Variants in LRRTM4 observed in about 807,000 individuals in gnomAD.
The protein encoded by LRRTM4 is leucine-rich repeat transmembrane neuronal protein 4.
A neutral mutation model predicts 47.6 loss-of-function variants in LRRTM4; 25 were observed. The ratio of observed to expected loss-of-function variants is 0.53; its 90% CI spans 0.38 to 0.73. The LOEUF (loss-of-function observed/expected upper bound fraction) is 0.73, where lower values mean the gene tolerates loss of function less well. LRRTM4 is among the 30% of genes least tolerant of loss of function. LRRTM4 has a pLI of 0.00. For missense variants in LRRTM4, 638 were observed against 713.4 expected, an observed-to-expected ratio of 0.89 and a Z score of 1.20; for synonymous variants, 311 against 269.5, an observed-to-expected ratio of 1.15 and a Z score of -1.51.
rs559021886 is a variant in LRRTM4 at position 76,882,870 on chromosome 2, T to C, written c.1552-133954A>G. 2.6e-5 allele frequency among the ~76,000 whole-genome samples: 4 copies of C among 152,242 alleles called. No individual in the cohort carries two copies. The South Asian group carries it at 8.3e-4, about 32-fold the overall frequency. On this transcript the variant is annotated intron_variant, in intron 3 of 3. Coordinates refer to ENST00000409884, the MANE Select transcript of LRRTM4 (RefSeq NM_001134745.3). Reference sequence around the variant, plus strand: ...GACAGGAGTCCTGTCCCTCCTGTCTTCCACGGGCCTACTCTTCAAACTGTC... The same window carrying C: ...GACAGGAGTCCTGTCCCTCCTGTCTCCCACGGGCCTACTCTTCAAACTGTC...
chr2:76,934,429 T>G (rs906670421), intron 3 of LRRTM4, among the ~76,000 whole-genome samples: 17 of 152,178 alleles, frequency 1.1e-4, no homozygotes, highest in Admixed American at 9.8e-4. Context: ...ACTAAAATTT[T>G]GCAATTTAGA....
chr2:77,395,622 T>C lies in LRRTM4; in HGVS notation c.1551+122696A>G, dbSNP rs567369198. Among the ~76,000 whole-genome samples, 28 of 152,078 alleles carry C rather than the reference T, an allele frequency of 1.8e-4. No homozygotes were observed. In the East Asian group the frequency reaches 5.4e-3, roughly 30 times the overall value. The stretch of plus-strand genomic sequence containing the variant: ...GACAGTTCTTAATAAGTTGCTCTGA[T>C]GCTTTCTTCATATTTAGGTTGTTTT... On this transcript the variant is annotated intron_variant, in intron 3 of 3. Coordinates refer to ENST00000409884, the MANE Select transcript of LRRTM4 (RefSeq NM_001134745.3).
chr2:76,981,862 G>A (rs1003719180), intron 3 of LRRTM4, among the ~76,000 whole-genome samples: 1 of 151,690 alleles, frequency 6.6e-6, no homozygotes, highest in African/African-American at 2.4e-5. Flanking sequence ...CATACAATAT[G>A]AGTTTTGTTT....
intron 3 of LRRTM4, among the ~76,000 whole-genome samples, chr2:76,905,784 C>G (rs556743287): frequency 0.017 from 2,513 of 151,590 alleles, 81 homozygotes; most frequent in African/African-American, 0.057. Context: ...AGCGAGAAGG[C>G]AAGTTTAGAG....
intron 3 of LRRTM4, among the ~76,000 whole-genome samples, chr2:77,427,664 T>C (rs1675175937): frequency 6.6e-6 from 1 of 152,196 alleles, no homozygotes; most frequent in Admixed American, 6.5e-5. Context: ...CCTTAAAATA[T>C]ATGATTTGGC....
At chr2:76,969,398 C>T (rs979135855) in intron 3 of LRRTM4, among the ~76,000 whole-genome samples, 11 of 151,854 alleles carry the variant, frequency 7.2e-5, no homozygotes, top group African/African-American at 2.7e-4. Flanking sequence ...TAGTAATTCC[C>T]TCCAGAGGCA....
chr2:77,110,407 A>G (rs1671218622), intron 3 of LRRTM4, among the ~76,000 whole-genome samples: 2 of 152,166 alleles, frequency 1.3e-5, no homozygotes, highest in Admixed American at 6.5e-5. Context: ...CTCCTGTAAG[A>G]TATTATTTAG....
intron 3 of LRRTM4, among the ~76,000 whole-genome samples, chr2:76,914,540 A>G (rs1294248874): frequency 6.6e-6 from 1 of 152,118 alleles, no homozygotes; most frequent in Non-Finnish European, 1.5e-5. Flanking sequence ...TCAGGATTAT[A>G]AGTATATTAT....
chr2:76,896,420 T>C (rs918439070), intron 3 of LRRTM4, among the ~76,000 whole-genome samples: 35 of 152,072 alleles, frequency 2.3e-4, no homozygotes, highest in Admixed American at 2.0e-3. Context: ...AATTTCTACT[T>C]GACCCTGATC....
rs1674903148 is a variant in LRRTM4, at chr2:77,229,403, A to C, written c.1551+288915T>G. Among the ~76,000 whole-genome samples the C allele has an allele frequency of 3.9e-5, 6 of 152,108 alleles. No homozygotes were observed. In the South Asian group the frequency reaches 1.2e-3, roughly 31 times the overall value. Reference sequence around the variant, plus strand: ...GAGAGTCTTAAGCAAATGATTTCTAACCTTCTTTGATATATGAGAAAATCA... The same window carrying C: ...GAGAGTCTTAAGCAAATGATTTCTACCCTTCTTTGATATATGAGAAAATCA... On this transcript the variant is annotated intron_variant, in intron 3 of 3. Transcript: ENST00000409884.
intron 3 of LRRTM4, among the ~76,000 whole-genome samples, chr2:77,502,272 A>G (rs1244776824): frequency 1.3e-5 from 2 of 151,478 alleles, no homozygotes; most frequent in Non-Finnish European, 3.0e-5. Flanking sequence ...AAAAAAGATA[A>G]TAAAAGTTAT....
intron 3 of LRRTM4, among the ~76,000 whole-genome samples, chr2:77,062,857 C>A (rs760092383): frequency 1.1e-4 from 17 of 152,014 alleles, no homozygotes; most frequent in Non-Finnish European, 1.5e-4. Context: ...AGAAGTAGGC[C>A]TTCATTGTTG....
intron 2 of LRRTM4, among the ~76,000 whole-genome samples, 199 bp from the exon 3 acceptor site, chr2:77,520,063 T>C (rs925161874): frequency 6.6e-6 from 1 of 152,110 alleles, no homozygotes; most frequent in Non-Finnish European, 1.5e-5. Flanking sequence ...TCCTTGATCT[T>C]CAAATCACCA....
chr2:77,218,090 G>A (rs552324540), intron 3 of LRRTM4, among the ~76,000 whole-genome samples: 1 of 152,286 alleles, frequency 6.6e-6, no homozygotes, highest in South Asian at 2.1e-4. Context: ...CCCGTCTCAG[G>A]TTCAAACAAT....
chr2:76,784,019 T>TCTC (rs1674536362), intron 3 of LRRTM4, among the ~76,000 whole-genome samples: 3 of 152,184 alleles, frequency 2.0e-5, no homozygotes, highest in Non-Finnish European at 2.9e-5. Flanking sequence ...TTCTATGTTT[T>TCTC]ATTGTGAAAG....
At chr2:77,149,002 T>C (rs1672345846) in intron 3 of LRRTM4, among the ~76,000 whole-genome samples, 1 of 152,116 alleles carries the variant, frequency 6.6e-6, no homozygotes, top group Non-Finnish European at 1.5e-5. Flanking sequence ...TAATCTGCAG[T>C]CCAAAAACTC....
intron 3 of LRRTM4, among the ~76,000 whole-genome samples, chr2:77,462,178 G>T (rs902887859): frequency 6.6e-5 from 10 of 152,032 alleles, no homozygotes; most frequent in African/African-American, 2.2e-4. Flanking sequence ...TGGTCAGTTT[G>T]CTTGTTGTCT....
At chr2:77,058,870 T>G (rs1679694141) in intron 3 of LRRTM4, among the ~76,000 whole-genome samples, 1 of 152,140 alleles carries the variant, frequency 6.6e-6, no homozygotes, top group African/African-American at 2.4e-5. Context: ...ACTTAGTTCC[T>G]TTGAATCTTA....
intron 3 of LRRTM4, among the ~76,000 whole-genome samples, chr2:76,813,629 C>A (rs888574732): frequency 6.6e-6 from 1 of 151,954 alleles, no homozygotes; most frequent in African/African-American, 2.4e-5. Flanking sequence ...ATGAAGTAGG[C>A]CAAGTTAACT....
Sources: allele counts gnomAD v4.1 joint callset (sites outside exome capture counted in the v4.1 genomes callset), GRCh38; gene constraint gnomAD v4.1.1; transcripts MANE v1.5; gene names NCBI Gene and HGNC (gene_info 2026-07-23, HGNC 2026-07-21).